The following ACAD9 variants were observed in gnomAD, a reference collection of about 807,000 sequenced individuals.
ACAD9 encodes the protein acyl-CoA dehydrogenase family member 9.
A neutral mutation model predicts 70.2 loss-of-function variants in ACAD9; 53 were observed. The observed-to-expected ratio is 0.75, with a 90% CI of 0.61 to 0.95. ACAD9 has a LOEUF of 0.95. Ranked by LOEUF, ACAD9 falls within the 40% of genes least tolerant of loss-of-function variation. The pLI, the probability that ACAD9 is intolerant of heterozygous loss-of-function variation, is 0.00. For missense variants in ACAD9, 777 were observed against 802.8 expected (o/e 0.97, Z 0.39); for synonymous variants, 313 against 312.1 (o/e 1.00, Z -0.03).
rs932739241 is a variant in ACAD9, at chr3:128,896,665, C to T, written c.554+129C>T. On this transcript the variant is annotated intron_variant, in intron 5 of 17. Coordinates refer to ENST00000308982, the MANE Select transcript of ACAD9 (RefSeq NM_014049.5). ...TTTCCAAAATCTTGCAAAGAATCAA[C>T]TCAGCAACTGTTCTTGCCATTCCTC... The T allele has an allele frequency of 1.7e-4, 150 of 881,822 alleles. 1 individual carries two copies. Among genetic ancestry groups the T allele is most frequent in the Non-Finnish European group, 2.5e-4 (138 of 541,784 alleles). 54.6% of individuals were successfully genotyped at this position (881,822 alleles called of 1,614,324 possible). A position where few individuals can be genotyped will look rare whatever the true frequency, so the allele number is the denominator to read the frequency against.
Position 128,912,579 on chromosome 3 carries a change from G to A in ACAD9, c.1838G>A (p.Cys613Tyr), listed in dbSNP as rs763539517. 5 of 1,614,084 alleles carry A rather than the reference G, an allele frequency of 3.1e-6. No individual in the cohort carries two copies. In the Admixed American group the frequency reaches 6.7e-5, roughly 22 times the overall value. Residue 613 changes from cysteine to tyrosine, a missense_variant, in exon 18 of 18, where the codon TGT (cysteine) becomes TAT (tyrosine). Transcript: ENST00000308982. ...ATCCTTGAGAAGCGAGCCTATATCTGTGCCCACCCTCTGGACAGGACATGC... is the reference window on the plus strand; with the variant it reads ...ATCCTTGAGAAGCGAGCCTATATCTATGCCCACCCTCTGGACAGGACATGC... ...QQILEKRAYICAHPLDRTC is the reference protein window; with the variant it reads ...QQILEKRAYIYAHPLDRTC
intron 17 of ACAD9, among the ~76,000 whole-genome samples, chr3:128,911,183 A>C (rs547933409): frequency 2.0e-5 from 3 of 152,036 alleles, no homozygotes; most frequent in Non-Finnish European, 4.4e-5. Flanking sequence ...CAGCCTCCCG[A>C]GTAGCTGGGA....
Position 128,902,998 on chromosome 3 carries a change from G to A in ACAD9, c.958+370G>A, listed in dbSNP as rs1015126763. Among the ~76,000 whole-genome samples the A allele has an allele frequency of 6.6e-6, 1 of 152,118 alleles. No individual in the cohort carries two copies. The highest frequency in any genetic ancestry group is 2.4e-5 in the African/African-American group (1 of 41,416). ...AAGAACCAGGCTTCCAGGATACACG[G>A]CCTCTGGTTCCCAAGGTCCGTGCCT... is the stretch of plus-strand genomic sequence containing the variant. On this transcript the variant is annotated intron_variant, in intron 9 of 17. Transcript: ENST00000308982. This position sits in a 1 kb window ranked among gnomAD's most constrained non-coding sequence, Gnocchi z 4.0.
rs1382896825 is a variant in ACAD9 at position 128,904,509 on chromosome 3, A to G, written c.1149+4A>G. On this transcript the variant is annotated splice_donor_region_variant and intron_variant, in intron 11 of 17. Coordinates refer to ENST00000308982, the MANE Select transcript of ACAD9 (RefSeq NM_014049.5). ...CATCGAGGCAGCCATGGTGAAGGTA[A>G]CCCTGGCATAGCCAGAGAGCTGGCG... is the stretch of plus-strand genomic sequence containing the variant. The G allele has an allele frequency of 1.2e-6, 2 of 1,613,614 alleles. No individual in the cohort carries two copies. Among genetic ancestry groups the G allele is most frequent in the African/African-American group, 2.7e-5 (2 of 75,042 alleles).
chr3:128,907,864 C>T (rs1473912588), intron 12 of ACAD9, among the ~76,000 whole-genome samples: 1 of 152,254 alleles, frequency 6.6e-6, no homozygotes, highest in Non-Finnish European at 1.5e-5. Flanking sequence ...CCCCAGGCAT[C>T]AGCACCCCTC....
rs143463639 is a variant in ACAD9, at chr3:128,895,161, G to A, written c.347-149G>A. On this transcript the variant is annotated intron_variant, in intron 3 of 17. Coordinates refer to ENST00000308982, the MANE Select transcript of ACAD9 (RefSeq NM_014049.5). ...CAAAGTACTGGGATTACAGGTGTGAGCCACCATGCCCGGCCTGTATTGTGA... is the reference window on the plus strand; with the variant it reads ...CAAAGTACTGGGATTACAGGTGTGAACCACCATGCCCGGCCTGTATTGTGA... The A allele has an allele frequency of 0.045, 31,842 of 704,176 alleles. 983 individuals carry two copies. The highest frequency in any genetic ancestry group is 0.057 in the Non-Finnish European group (22,838 of 400,540). The allele number at this position is 704,176 out of a possible 1,614,324, so 43.6% of individuals were successfully genotyped here. A position where few individuals can be genotyped will look rare whatever the true frequency, so the allele number is the denominator to read the frequency against.
rs1403409653 is a variant in ACAD9 at position 128,899,306 on chromosome 3, G to A, written c.653G>A (p.Gly218Glu). The A allele has an allele frequency of 6.2e-7, 1 of 1,614,098 alleles. No homozygotes were observed. Among genetic ancestry groups the A allele is most frequent in the Admixed American group, 1.7e-5 (1 of 60,010 alleles). ...NGSKVWITNG[G>E]LANIFTVFAK... ...CCTCAGGTCTGGATTACTAATGGAGGACTGGCCAATATTTTTACTGTGTTT... is the reference window on the plus strand; with the variant it reads ...CCTCAGGTCTGGATTACTAATGGAGAACTGGCCAATATTTTTACTGTGTTT... The change falls in exon 7 of 18, where the codon GGA becomes GAA. Residue 218 changes from glycine to glutamate, a missense_variant. Coordinates refer to ENST00000308982, the MANE Select transcript of ACAD9 (RefSeq NM_014049.5).
At chr3:128,882,862 C>T (rs1935132502) in intron 1 of ACAD9, among the ~76,000 whole-genome samples, 1 of 152,190 alleles carries the variant, frequency 6.6e-6, no homozygotes, top group Admixed American at 6.5e-5. Flanking sequence ...TCTCCCACGC[C>T]CCTGCAATCT....
At chr3:128,904,986 AAC>A (rs576692453) in intron 11 of ACAD9, among the ~76,000 whole-genome samples, 281 of 152,144 alleles carry the variant, frequency 1.8e-3, no homozygotes, top group Non-Finnish European at 3.2e-3. Flanking sequence ...CTCTACTAAA[AAC>A]ACAAAAAATT....
At chr3:128,880,082 G>T in intron 1 of ACAD9, 2 of 1,462,768 alleles carry the variant, frequency 1.4e-6, no homozygotes, top group Non-Finnish European at 1.8e-6. Flanking sequence ...GCTAAATTTT[G>T]TCAGGGGAAT....
At chr3:128,887,067 A>G (rs1376740787) in intron 2 of ACAD9, among the ~76,000 whole-genome samples, 1 of 152,046 alleles carries the variant, frequency 6.6e-6, no homozygotes, top group Non-Finnish European at 1.5e-5. Context: ...CTGGAATTAT[A>G]GCACGCACCG....
intron 2 of ACAD9, among the ~76,000 whole-genome samples, chr3:128,887,644 A>ATATATATATATATATATATAT (rs1935291126): frequency 1.5e-5 from 2 of 133,106 alleles, no homozygotes; most frequent in African/African-American, 5.8e-5. Context: ...AAAATAAATA[A>ATATATATATATATATATATAT]ATATATATAT....
intron 1 of ACAD9, among the ~76,000 whole-genome samples, chr3:128,883,072 TG>T (rs1305529532): frequency 6.5e-5 from 8 of 123,862 alleles, no homozygotes; most frequent in East Asian, 5.4e-4. Flanking sequence ...GCCATCAGCT[TG>T]TTTTTTTTTT....
In ACAD9 at chr3:128,894,849, A is replaced by G. The variant is rs1576337359; in HGVS notation, c.347-461A>G. Among the ~76,000 whole-genome samples, 7 of 129,644 alleles carry G rather than the reference A, an allele frequency of 5.4e-5. No homozygotes were observed. The South Asian group carries it at 1.8e-3, about 33-fold the overall frequency. The allele number at this position is 129,644 out of a possible 152,430, so 85.1% of individuals were successfully genotyped here. A position where few individuals can be genotyped will look rare whatever the true frequency, so the allele number is the denominator to read the frequency against. On this transcript the variant is annotated intron_variant, in intron 3 of 17. Coordinates refer to ENST00000308982, the MANE Select transcript of ACAD9 (RefSeq NM_014049.5). The stretch of plus-strand genomic sequence containing the variant: ...TGTGCCCAGCCCTCGATTTTTGTTT[A>G]CTTTGTACCTTTCTGTATTGTGATT...
intron 15 of ACAD9, 116 bp downstream of exon 15, chr3:128,909,537 C>A: frequency 8.8e-7 from 1 of 1,135,458 alleles, no homozygotes; most frequent in Non-Finnish European, 1.3e-6. Flanking sequence ...AAATGTTGAT[C>A]ACCCTGGAGG....
At chr3:128,897,911 A>G (rs1935614904) in intron 6 of ACAD9, among the ~76,000 whole-genome samples, 1 of 152,078 alleles carries the variant, frequency 6.6e-6, no homozygotes. Flanking sequence ...GCTGGAGTGC[A>G]GTGGTGTAAT....
chr3:128,893,706 T>C, intron 3 of ACAD9, 50 bp downstream of exon 3: 1 of 1,476,204 alleles, frequency 6.8e-7, no homozygotes, highest in Non-Finnish European at 9.5e-7. Flanking sequence ...AAGAAAGCAC[T>C]CTGTATTTGT....
At chr3:128,904,234 A>G in intron 10 of ACAD9, 102 bp downstream of exon 10, 4 of 1,580,014 alleles carry the variant, frequency 2.5e-6, no homozygotes, top group Non-Finnish European at 3.5e-6. Flanking sequence ...TGATTTGGGA[A>G]GAAGACTAGT....
At chr3:128,907,654 C>T (rs1935933664) in intron 12 of ACAD9, among the ~76,000 whole-genome samples, 1 of 152,218 alleles carries the variant, frequency 6.6e-6, no homozygotes, top group Non-Finnish European at 1.5e-5. Context: ...ACACACAGTA[C>T]CATTGTGCAG....
Sources: gnomAD v4.1 joint callset for allele counts (sites outside exome capture counted in the v4.1 genomes callset) on GRCh38, gnomAD v4.1.1 for gene constraint, Gnocchi (gnomAD v3.1) non-coding constraint, MANE v1.5 for transcripts, NCBI Gene and HGNC (gene_info 2026-07-23, HGNC 2026-07-21) for gene names.